IL23R: variants seen among roughly 807,000 people sequenced by gnomAD.
The protein encoded by IL23R is interleukin-23 receptor.
A neutral mutation model predicts 56.9 loss-of-function variants in IL23R; 34 were observed. That is an observed-to-expected ratio of 0.60 (90% CI 0.45 to 0.80). The LOEUF (loss-of-function observed/expected upper bound fraction) is 0.80, where lower values mean the gene tolerates loss of function less well. Among genes scored for constraint, IL23R ranks in the 30% least tolerant of loss-of-function variants. The pLI is 0.00. For synonymous variants in IL23R, 230 were observed against 249.2 expected, an observed-to-expected ratio of 0.92 and a Z score of 0.73; for missense variants, 635 against 730.0, an observed-to-expected ratio of 0.87 and a Z score of 1.50.
chr1:67,204,866 C>T (rs1433209597), intron 5 of IL23R, among the ~76,000 whole-genome samples: 1 of 151,788 alleles, frequency 6.6e-6, no homozygotes, highest in Non-Finnish European at 1.5e-5. Context: ...GCAACCTCTA[C>T]TTCTTGGATT....
chr1:67,157,801 C>T (rs1646781840), intron 1 of IL23R, among the ~76,000 whole-genome samples: 1 of 152,226 alleles, frequency 6.6e-6, no homozygotes, highest in South Asian at 2.1e-4. Flanking sequence ...TTGTATTTTA[C>T]TTTCTGTCTC....
intron 1 of IL23R, among the ~76,000 whole-genome samples, chr1:67,154,047 C>T (rs1292823722): frequency 6.6e-6 from 1 of 152,278 alleles, no homozygotes; most frequent in Admixed American, 6.5e-5. Context: ...GGATTACAGG[C>T]GTGAGCCACT....
intron 1 of IL23R, among the ~76,000 whole-genome samples, chr1:67,149,850 A>C (rs1349698891): frequency 6.6e-6 from 1 of 152,176 alleles, no homozygotes; most frequent in Non-Finnish European, 1.5e-5. Context: ...GTTAAGGTCT[A>C]TTTTAGTCTC....
At chr1:67,265,404 T>C in the IL23R span, among the ~76,000 whole-genome samples, 3 of 152,252 alleles carry the variant, frequency 2.0e-5, no homozygotes, top group Admixed American at 2.0e-4. Context: ...TTTTTCCTAG[T>C]ATTTTTATTT....
intron 6 of IL23R, among the ~76,000 whole-genome samples, chr1:67,213,997 C>T (rs1194355124): frequency 6.6e-6 from 1 of 152,130 alleles, no homozygotes; most frequent in East Asian, 1.9e-4. Flanking sequence ...TTAGTAAAGG[C>T]TCAGAGATAG....
chr1:67,219,680 G>A lies in IL23R; in HGVS notation c.905G>A (p.Arg302Lys). 1 of 1,614,078 alleles carries A rather than the reference G, an allele frequency of 6.2e-7. No homozygotes were observed. Among genetic ancestry groups the A allele is most frequent in the Non-Finnish European group, 8.5e-7 (1 of 1,179,936 alleles). The change falls in exon 7 of 11, where the codon AGG (arginine) becomes AAG (lysine). Residue 302 changes from arginine (R) to lysine (K), a missense_variant. By Grantham distance (26) the Arg-to-Lys change is conservative. Transcript: ENST00000347310. ...FQVRCQETGK[R>K]YWQPWSSLFF... ...GTGAGATGTCAAGAAACAGGCAAAA[G>A]GTACTGGCAGCCTTGGAGTTCACTG...
At chr1:67,161,396 G>T (rs922841707) in intron 1 of IL23R, among the ~76,000 whole-genome samples, 9 of 152,032 alleles carry the variant, frequency 5.9e-5, no homozygotes, top group African/African-American at 2.2e-4. Flanking sequence ...AAAATAGGAA[G>T]TTATAGAAAA....
At chr1:67,212,151 A>G (rs998729273) in intron 6 of IL23R, among the ~76,000 whole-genome samples, 2 of 152,216 alleles carry the variant, frequency 1.3e-5, no homozygotes, top group African/African-American at 2.4e-5. Flanking sequence ...TTTTAAACTC[A>G]TGACTCCCTC....
intron 6 of IL23R, among the ~76,000 whole-genome samples, chr1:67,209,607 G>A (rs1007403690): frequency 6.6e-6 from 1 of 152,108 alleles, no homozygotes; most frequent in Non-Finnish European, 1.5e-5. Flanking sequence ...GGCCTCTCCA[G>A]CCATATGGAG....
chr1:67,223,430 A>T (rs917447236), intron 7 of IL23R, among the ~76,000 whole-genome samples: 2 of 152,206 alleles, frequency 1.3e-5, no homozygotes. Flanking sequence ...ATTAAAGTTT[A>T]ACATGTTAGC....
intron 8 of IL23R, among the ~76,000 whole-genome samples, chr1:67,239,663 T>A (rs887328921): frequency 1.3e-5 from 2 of 152,198 alleles, no homozygotes; most frequent in Non-Finnish European, 2.9e-5. Flanking sequence ...TATGATTTCT[T>A]TCTTATCACG....
intron 6 of IL23R, among the ~76,000 whole-genome samples, chr1:67,215,583 C>T (rs909355724): frequency 4.6e-5 from 7 of 152,132 alleles, no homozygotes; most frequent in African/African-American, 7.2e-5. Context: ...AATGGGAGAA[C>T]GTTCAAAGCT....
At chr1:67,184,171 G>T (rs1192481498) in intron 4 of IL23R, among the ~76,000 whole-genome samples, 1 of 152,088 alleles carries the variant, frequency 6.6e-6, no homozygotes, top group East Asian at 1.9e-4. Context: ...GGAGGCAGAG[G>T]TTGCAGTGAG....
intron 10 of IL23R, among the ~76,000 whole-genome samples, chr1:67,257,853 G>A (rs900203145): frequency 3.9e-5 from 6 of 152,054 alleles, no homozygotes; most frequent in Admixed American, 2.6e-4. Flanking sequence ...ACAGGCTTGC[G>A]CTACTACGCC....
At chr1:67,228,002 C>CT (rs1222256742) in intron 7 of IL23R, among the ~76,000 whole-genome samples, 4 of 106,140 alleles carry the variant, frequency 3.8e-5, no homozygotes, top group African/African-American at 1.6e-4. Flanking sequence ...TTCTTTCTTT[C>CT]TTTCTTTCTT....
intron 7 of IL23R, among the ~76,000 whole-genome samples, chr1:67,221,246 A>G (rs1403488849): frequency 6.6e-6 from 1 of 151,678 alleles, no homozygotes; most frequent in Non-Finnish European, 1.5e-5. Context: ...GCTTGAACCC[A>G]GGAGACAGAG....
At chr1:67,201,042 C>A in intron 5 of IL23R, 145 bp downstream of exon 5, 2 of 769,642 alleles carry the variant, frequency 2.6e-6, no homozygotes, top group Non-Finnish European at 4.2e-6. Flanking sequence ...ATTCTACCTG[C>A]CCAAGACAAC....
chr1:67,239,065 A>G (rs1651687108), intron 8 of IL23R, among the ~76,000 whole-genome samples: 3 of 152,152 alleles, frequency 2.0e-5, no homozygotes, highest in Non-Finnish European at 4.4e-5. Context: ...AATACCCAAC[A>G]TGGCTCTAGA....
At chr1:67,170,086 T>C (rs768050851) in intron 3 of IL23R, among the ~76,000 whole-genome samples, 1 of 152,194 alleles carries the variant, frequency 6.6e-6, no homozygotes, top group Non-Finnish European at 1.5e-5. Context: ...GCAGATCCCA[T>C]TGAGAAATTT....
Sources: gnomAD v4.1 joint callset for allele counts (sites outside exome capture counted in the v4.1 genomes callset) on GRCh38, gnomAD v4.1.1 for gene constraint, MANE v1.5 for transcripts, NCBI Gene and HGNC (gene_info 2026-07-23, HGNC 2026-07-21) for gene names.